Variants in TENM3 observed in about 807,000 individuals in gnomAD.
TENM3 encodes teneurin transmembrane protein 3.
TENM3 carries 63 observed loss-of-function variants against 255.1 expected under a neutral mutation model. The ratio of observed to expected loss-of-function variants is 0.25; its 90% CI spans 0.20 to 0.30. The LOEUF (loss-of-function observed/expected upper bound fraction) is 0.30, where lower values mean the gene tolerates loss of function less well. TENM3 is among the 10% of genes least tolerant of loss of function. The pLI, the probability that TENM3 is intolerant of heterozygous loss-of-function variation, is 1.00. For missense variants in TENM3, 2,929 were observed against 3,461.1 expected (o/e 0.85, Z 3.86); for synonymous variants, 1,306 against 1,322.3 (o/e 0.99, Z 0.27).
intron 3 of TENM3, among the ~76,000 whole-genome samples, chr4:182,394,457 G>A (rs949523468): frequency 3.9e-5 from 6 of 152,278 alleles, no homozygotes; most frequent in East Asian, 1.9e-4. Flanking sequence ...ACATGCTGAA[G>A]TGATGTGGTA....
the TENM3 span, among the ~76,000 whole-genome samples, chr4:181,611,423 T>C: frequency 0.021 from 3,125 of 152,278 alleles, 41 homozygotes; most frequent in Middle Eastern, 0.044. Context: ...TGTCAGACTT[T>C]TATTCCTCCT....
At chr4:182,687,848 T>A (rs1237987178) in intron 11 of TENM3, among the ~76,000 whole-genome samples, 2 of 152,102 alleles carry the variant, frequency 1.3e-5, no homozygotes, top group East Asian at 3.9e-4. Flanking sequence ...ATGACCACCC[T>A]CTATATATGT....
At chr4:181,575,447 G>A in the TENM3 span, among the ~76,000 whole-genome samples, 1 of 152,048 alleles carries the variant, frequency 6.6e-6, no homozygotes, top group African/African-American at 2.4e-5. Context: ...AAAAAATAAA[G>A]TGTAATCCCA....
the TENM3 span, among the ~76,000 whole-genome samples, chr4:181,585,716 C>A: frequency 1.1e-4 from 17 of 151,678 alleles, no homozygotes; most frequent in Non-Finnish European, 2.1e-4. Context: ...TTTAATCAAG[C>A]ATTTGTTGTC....
At chr4:181,503,938 A>T in the TENM3 span, among the ~76,000 whole-genome samples, 1 of 152,200 alleles carries the variant, frequency 6.6e-6, no homozygotes, top group African/African-American at 2.4e-5. Context: ...CAAGCAGTGT[A>T]GTATGCTGTT....
At chr4:182,555,076 G>A (rs1447004498) in intron 3 of TENM3, among the ~76,000 whole-genome samples, 2 of 152,042 alleles carry the variant, frequency 1.3e-5, no homozygotes, top group Non-Finnish European at 2.9e-5. Context: ...TACTTAGCTC[G>A]CATTAATGGC....
chr4:181,971,162 C>A, the TENM3 span, among the ~76,000 whole-genome samples: 1 of 152,104 alleles, frequency 6.6e-6, no homozygotes, highest in Non-Finnish European at 1.5e-5. Flanking sequence ...AAGACCGTCA[C>A]AAAATGAGCA....
the TENM3 span, among the ~76,000 whole-genome samples, chr4:181,716,539 T>C: frequency 6.6e-6 from 1 of 152,224 alleles, no homozygotes; most frequent in Non-Finnish European, 1.5e-5. Context: ...TAAGACTTCC[T>C]GGGTTTGAAT....
intron 1 of TENM3, among the ~76,000 whole-genome samples, chr4:182,272,880 C>T (rs115226181): frequency 6.6e-6 from 1 of 152,120 alleles, no homozygotes; most frequent in South Asian, 2.1e-4. Context: ...TGGTTTCCTT[C>T]AGGTGCAGGG....
chr4:182,087,578 A>C, the TENM3 span, among the ~76,000 whole-genome samples: 1 of 152,248 alleles, frequency 6.6e-6, no homozygotes, highest in South Asian at 2.1e-4. Context: ...TGAAGGATGG[A>C]AGTCTGAGAG....
At chr4:182,088,106 A>G in the TENM3 span, among the ~76,000 whole-genome samples, 3 of 152,240 alleles carry the variant, frequency 2.0e-5, no homozygotes, top group Non-Finnish European at 1.5e-5. Context: ...AGATTTATAC[A>G]TATACACACA....
rs1017805654 is a variant in TENM3 at position 182,455,561 on chromosome 4, T to C, written c.511+108632T>C. 4.3e-3 allele frequency among the ~76,000 whole-genome samples: 584 copies of C among 136,070 alleles called. 3 individuals carry two copies. The highest frequency in any genetic ancestry group is 7.1e-3 in the Middle Eastern group (2 of 280). The allele number at this position is 136,070 out of a possible 152,430, so 89.3% of individuals were successfully genotyped here. On this transcript the variant is annotated intron_variant, in intron 3 of 27. Coordinates refer to ENST00000511685, the MANE Select transcript of TENM3 (RefSeq NM_001080477.4). Reference sequence around the variant, plus strand: ...TGACTTGCATGGTATTTCTTTTTTTTTTTTTTTTTTTTTTTTTTGAGACCG... The same window carrying C: ...TGACTTGCATGGTATTTCTTTTTTTCTTTTTTTTTTTTTTTTTTGAGACCG...
At chr4:181,865,527 C>A in the TENM3 span, among the ~76,000 whole-genome samples, 1 of 152,066 alleles carries the variant, frequency 6.6e-6, no homozygotes, top group Non-Finnish European at 1.5e-5. Context: ...TGATCATGGA[C>A]ACGCTGACAG....
At chr4:182,428,377 T>C (rs536465860) in intron 3 of TENM3, among the ~76,000 whole-genome samples, 9 of 152,260 alleles carry the variant, frequency 5.9e-5, no homozygotes, top group African/African-American at 1.4e-4. Flanking sequence ...TACCTCACTG[T>C]AGCCACCTGT....
chr4:182,600,883 A>ATATATAT, intron 3 of TENM3, 41 bp from the exon 4 acceptor site: 1 of 1,019,578 alleles, frequency 9.8e-7, no homozygotes, highest in East Asian at 2.7e-5. Flanking sequence ...ATATATATAT[A>ATATATAT]ATGAGTTCTC....
At chr4:181,562,499 C>A in the TENM3 span, among the ~76,000 whole-genome samples, 4 of 152,082 alleles carry the variant, frequency 2.6e-5, no homozygotes, top group Admixed American at 6.6e-5. Flanking sequence ...AAACAGCAAG[C>A]AATTTGGTAT....
chr4:181,848,810 C>A, the TENM3 span, among the ~76,000 whole-genome samples: 1 of 152,130 alleles, frequency 6.6e-6, no homozygotes, highest in African/African-American at 2.4e-5. Context: ...AGCCCAGAAT[C>A]GCCAAGGCTA....
rs150418466 is a variant in TENM3 at position 182,303,633 on chromosome 4, TG to T, written c.-75-20305del. On this transcript the variant is annotated intron_variant, in intron 1 of 27. Transcript: ENST00000511685. ...CTACTTAACAGGTGTATGACCTTGG[TG>T]GGGGGGGTGACTTAATTTCTCTTGA... Among the ~76,000 whole-genome samples the T allele has an allele frequency of 2.9e-3, 434 of 151,768 alleles. 2 individuals carry two copies. The highest frequency in any genetic ancestry group is 4.2e-3 in the Non-Finnish European group (286 of 67,900).
At chr4:182,171,300 T>G (rs532167866) in intron 1 of TENM3, among the ~76,000 whole-genome samples, 2 of 152,306 alleles carry the variant, frequency 1.3e-5, no homozygotes, top group South Asian at 2.1e-4. Context: ...GAGCCCAAGA[T>G]TAAATCAGGG....
Sources: gnomAD v4.1 joint callset for allele counts (sites outside exome capture counted in the v4.1 genomes callset) on GRCh38, gnomAD v4.1.1 for gene constraint, MANE v1.5 for transcripts, NCBI Gene and HGNC (gene_info 2026-07-23, HGNC 2026-07-21) for gene names.